Variants in DEUP1 observed in about 807,000 individuals in gnomAD.
DEUP1 encodes the protein coiled-coil domain containing 67.
Under a neutral mutation model 87.4 loss-of-function variants are expected in DEUP1, and 82 were observed. The ratio of observed to expected loss-of-function variants is 0.94; its 90% CI spans 0.78 to 1.13. The LOEUF (loss-of-function observed/expected upper bound fraction) is 1.13. Ranked by LOEUF, DEUP1 falls within the 50% of genes most tolerant of loss-of-function variation. The pLI is 0.00. For missense variants in DEUP1, 663 were observed against 681.5 expected, an observed-to-expected ratio of 0.97 and a Z score of 0.30; for synonymous variants, 214 against 222.7, an observed-to-expected ratio of 0.96 and a Z score of 0.35.
In DEUP1 at chr11:93,371,105, A is replaced by G. The variant is rs1945699641; in HGVS notation, c.614A>G (p.Glu205Gly). The G allele has an allele frequency of 1.2e-6, 2 of 1,612,906 alleles. No homozygotes were observed. The highest frequency in any genetic ancestry group is 4.5e-5 in the East Asian group (2 of 44,818). Residue 205 changes from glutamate to glycine, a missense_variant, in exon 7 of 14, where the codon GAA (glutamate) becomes GGA (glycine). Physicochemically the swap from Glu to Gly is moderately conservative, Grantham distance 98. Coordinates refer to ENST00000298050, the MANE Select transcript of DEUP1 (RefSeq NM_181645.4). ...CAGTGCTTAGAAGACAGCAGCTCTG[A>G]AATTCCTCGTTTGATATGTGACCCA... ...KKQCLEDSSS[E>G]IPRLICDPDP...
chr11:93,388,660 G>C lies in DEUP1; in HGVS notation c.936-360G>C, dbSNP rs562618435. Among the ~76,000 whole-genome samples the C allele has an allele frequency of 2.0e-3, 302 of 152,252 alleles. 1 individual carries two copies. Among genetic ancestry groups the C allele is most frequent in the Middle Eastern group, 6.8e-3 (2 of 294 alleles). On this transcript the variant is annotated intron_variant, in intron 8 of 13. Transcript: ENST00000298050. Reference sequence around the variant, plus strand: ...GTTCCTTTCCACAATACATTAGCAAGTTGGGTGTGTTTCCTTTTTTTAAAT... The same window carrying C: ...GTTCCTTTCCACAATACATTAGCAACTTGGGTGTGTTTCCTTTTTTTAAAT...
At chr11:93,379,675 A>G (rs1384815641) in intron 7 of DEUP1, among the ~76,000 whole-genome samples, 1 of 152,116 alleles carries the variant, frequency 6.6e-6, no homozygotes, top group Non-Finnish European at 1.5e-5. Context: ...TACTCTTCTG[A>G]CCCAAGTTCA....
intron 12 of DEUP1, among the ~76,000 whole-genome samples, chr11:93,414,580 A>C (rs1399190031): frequency 5.9e-5 from 9 of 152,176 alleles, no homozygotes; most frequent in Admixed American, 1.3e-4. Flanking sequence ...TCTGTTAAGA[A>C]AGCCAGTGAG....
At chr11:93,385,294 T>A in intron 7 of DEUP1, 104 bp from the exon 8 acceptor site, 1 of 1,037,918 alleles carries the variant, frequency 9.6e-7, no homozygotes, top group Non-Finnish European at 1.4e-6. Flanking sequence ...TAAATATCAG[T>A]TTGTTTAAAA....
intron 13 of DEUP1, among the ~76,000 whole-genome samples, chr11:93,432,852 A>G (rs1948144432): frequency 1.3e-5 from 2 of 152,198 alleles, no homozygotes; most frequent in Admixed American, 6.5e-5. Context: ...GTTGCTTTAA[A>G]TCTCAATTAG....
At chr11:93,429,641 C>T (rs1209038896) in intron 13 of DEUP1, among the ~76,000 whole-genome samples, 1 of 152,166 alleles carries the variant, frequency 6.6e-6, no homozygotes, top group African/African-American at 2.4e-5. Flanking sequence ...GTTGCTTGCC[C>T]TCCCTCCTTT....
At chr11:93,386,951 T>A (rs1230463192) in intron 8 of DEUP1, among the ~76,000 whole-genome samples, 1 of 152,216 alleles carries the variant, frequency 6.6e-6, no homozygotes, top group Non-Finnish European at 1.5e-5. Flanking sequence ...TTAAGACCCA[T>A]GCTGAATTCC....
chr11:93,376,136 T>G (rs1946027881), intron 7 of DEUP1, among the ~76,000 whole-genome samples: 1 of 152,012 alleles, frequency 6.6e-6, no homozygotes, highest in Non-Finnish European at 1.5e-5. Context: ...TTTTAGTGTA[T>G]TTTTGTGTTG....
chr11:93,397,831 A>G (rs758423535), intron 11 of DEUP1, among the ~76,000 whole-genome samples: 1 of 152,206 alleles, frequency 6.6e-6, no homozygotes, highest in Non-Finnish European at 1.5e-5. Context: ...GCCTTTTGAC[A>G]GTCCATGAAC....
chr11:93,414,901 T>C (rs2134445170), intron 12 of DEUP1, 99 bp from the exon 13 acceptor site: 1 of 567,436 alleles, frequency 1.8e-6, no homozygotes, highest in East Asian at 3.0e-5. Context: ...TTTGTTGTGC[T>C]TTCCCCCTAC....
chr11:93,371,586 T>C (rs575110573), intron 7 of DEUP1, among the ~76,000 whole-genome samples: 1 of 152,304 alleles, frequency 6.6e-6, no homozygotes, highest in Admixed American at 6.5e-5. Context: ...CCCCCACTAT[T>C]TTCTCTTACC....
chr11:93,387,664 A>AT (rs1946625072), intron 8 of DEUP1, among the ~76,000 whole-genome samples: 1 of 152,128 alleles, frequency 6.6e-6, no homozygotes, highest in African/African-American at 2.4e-5. Flanking sequence ...CACCATGAGG[A>AT]TTTTAGCATT....
At chr11:93,419,795 T>A (rs945980456) in intron 13 of DEUP1, among the ~76,000 whole-genome samples, 12 of 151,492 alleles carry the variant, frequency 7.9e-5, no homozygotes, top group Admixed American at 7.9e-4. Flanking sequence ...AAATTTTCCT[T>A]CTCATGTTTT....
chr11:93,363,748 T>C (rs943079930), intron 4 of DEUP1, among the ~76,000 whole-genome samples: 1 of 151,912 alleles, frequency 6.6e-6, no homozygotes, highest in Non-Finnish European at 1.5e-5. Context: ...TTAATACATA[T>C]TCTGTTTTCT....
intron 8 of DEUP1, 102 bp from the exon 9 acceptor site, chr11:93,388,918 G>A (rs1322927852): frequency 1.6e-6 from 1 of 640,180 alleles, no homozygotes; most frequent in Non-Finnish European, 2.6e-6. Context: ...ACAAAGTAAT[G>A]ATCTATCTCC....
intron 7 of DEUP1, among the ~76,000 whole-genome samples, chr11:93,383,244 A>C (rs946484551): frequency 9.2e-5 from 14 of 152,256 alleles, no homozygotes; most frequent in Non-Finnish European, 1.3e-4. Context: ...ATAGATAAAC[A>C]AAATGTGGTA....
chr11:93,361,867 A>G (rs1168289128), intron 4 of DEUP1, among the ~76,000 whole-genome samples: 2 of 152,088 alleles, frequency 1.3e-5, no homozygotes, highest in Non-Finnish European at 2.9e-5. Flanking sequence ...CTCACTTCAA[A>G]TATAACTATA....
chr11:93,435,217 ACCAAGAGGCTGGCTGG>A (rs1439780013), intron 13 of DEUP1, among the ~76,000 whole-genome samples: 1 of 152,194 alleles, frequency 6.6e-6, no homozygotes, highest in African/African-American at 2.4e-5. Context: ...TCAAGTTGCC[ACCAAGAGGCTGGCTGG>A]TCTCCTTGAG....
At chr11:93,427,229 A>G (rs1947949977) in intron 13 of DEUP1, among the ~76,000 whole-genome samples, 1 of 150,992 alleles carries the variant, frequency 6.6e-6, no homozygotes, top group Non-Finnish European at 1.5e-5. Flanking sequence ...AAACTATACT[A>G]CAAGGCTACA....
Sources: allele counts gnomAD v4.1 joint callset (sites outside exome capture counted in the v4.1 genomes callset), GRCh38; gene constraint gnomAD v4.1.1; transcripts MANE v1.5; gene names NCBI Gene and HGNC (gene_info 2026-07-23, HGNC 2026-07-21).